PTK2: variants seen among roughly 807,000 people sequenced by gnomAD.
PTK2 encodes the protein protein tyrosine kinase 2.
In PTK2, 45 loss-of-function variants were observed where a neutral mutation model predicts 150.1. The ratio of observed to expected loss-of-function variants is 0.30; its 90% CI spans 0.24 to 0.38. The LOEUF is 0.38. Among genes scored for constraint, PTK2 ranks in the 10% least tolerant of loss-of-function variants. The pLI is 1.00. For synonymous variants in PTK2, 432 were observed against 449.2 expected (o/e 0.96, Z 0.48); for missense variants, 919 against 1,307.3 (o/e 0.70, Z 4.58).
chr8:140,791,116 T>C (rs974031202), intron 13 of PTK2, among the ~76,000 whole-genome samples: 1 of 152,234 alleles, frequency 6.6e-6, no homozygotes, highest in African/African-American at 2.4e-5. Context: ...ACACTTGCAA[T>C]GTACTACCTT....
At chr8:140,868,802 G>T (rs2100140869) in intron 4 of PTK2, among the ~76,000 whole-genome samples, 1 of 152,124 alleles carries the variant, frequency 6.6e-6, no homozygotes, top group Admixed American at 6.5e-5. Context: ...AACTGTCTCA[G>T]ATTAGAGAAG....
At chr8:140,755,940 G>T (rs2100065431) in intron 16 of PTK2, among the ~76,000 whole-genome samples, 1 of 152,116 alleles carries the variant, frequency 6.6e-6, no homozygotes, top group Admixed American at 6.5e-5. Flanking sequence ...ATTTATAATA[G>T]AAACTTAAGA....
At chr8:140,760,861 TCTGA>T (rs1282933327) in intron 16 of PTK2, among the ~76,000 whole-genome samples, 3 of 152,230 alleles carry the variant, frequency 2.0e-5, no homozygotes, top group Admixed American at 6.5e-5. Flanking sequence ...ACTGGCTGTT[TCTGA>T]CTCTCATCTG....
intron 1 of PTK2, among the ~76,000 whole-genome samples, chr8:140,978,497 G>A (rs1231809714): frequency 6.6e-6 from 1 of 152,120 alleles, no homozygotes; most frequent in Non-Finnish European, 1.5e-5. Flanking sequence ...GCAGCCAAGA[G>A]ACACATGAAA....
chr8:140,938,099 G>A (rs748127799), intron 1 of PTK2, among the ~76,000 whole-genome samples: 1 of 152,058 alleles, frequency 6.6e-6, no homozygotes, highest in Non-Finnish European at 1.5e-5. Flanking sequence ...GTACAAAATC[G>A]AGAGTATCTT....
intron 26 of PTK2, among the ~76,000 whole-genome samples, chr8:140,687,310 C>T (rs1471238196): frequency 6.6e-6 from 1 of 152,178 alleles, no homozygotes; most frequent in East Asian, 1.9e-4. Context: ...GGGCCTTCTA[C>T]CACAGTGGCT....
chr8:140,851,939 G>A (rs2100129541), intron 5 of PTK2, among the ~76,000 whole-genome samples: 1 of 151,906 alleles, frequency 6.6e-6, no homozygotes, highest in African/African-American at 2.4e-5. Context: ...GAGTGTGTGT[G>A]TGCCCGTGTG....
At chr8:140,659,151 G>A (rs980886613) in exon 32 of PTK2, 2 of 342,572 alleles carry the variant, frequency 5.8e-6, no homozygotes, top group South Asian at 4.7e-5. Flanking sequence ...CCTTTAGAAC[G>A]TATCTTAATG....
chr8:140,902,924 GTTTTTTTTTTTTTTTTTTTTT>G (rs61261890), intron 2 of PTK2, among the ~76,000 whole-genome samples: 3 of 58,964 alleles, frequency 5.1e-5, no homozygotes, highest in East Asian at 3.9e-4. Context: ...GATGAGAGTT[GTTTTTTTTTTTTTTTTTTTTT>G]TTTTTTTTTT....
intron 1 of PTK2, among the ~76,000 whole-genome samples, chr8:140,943,336 C>T (rs188355134): frequency 6.6e-6 from 1 of 152,342 alleles, no homozygotes. Flanking sequence ...AATGAAATCA[C>T]AGTTATATGG....
At chr8:140,689,041 C>T (rs2100021601) in intron 26 of PTK2, among the ~76,000 whole-genome samples, 1 of 152,042 alleles carries the variant, frequency 6.6e-6, no homozygotes, top group Admixed American at 6.6e-5. Flanking sequence ...GTAGGTAGTT[C>T]CTGACTTCTA....
Position 140,789,470 on chromosome 8 carries a change from T to C in PTK2, c.1177+4A>G, listed in dbSNP as rs780549626. The C allele has an allele frequency of 6.2e-7, 1 of 1,613,162 alleles. No individual in the cohort carries two copies. Among genetic ancestry groups the C allele is most frequent in the Non-Finnish European group, 8.5e-7 (1 of 1,179,606 alleles). ...TTCGAGGTCTGCTACCTAGAGCCCCTTACCTGACACAGAGACGGCGTGTGT... is the reference window on the plus strand; with the variant it reads ...TTCGAGGTCTGCTACCTAGAGCCCCCTACCTGACACAGAGACGGCGTGTGT... On this transcript the variant is annotated splice_donor_region_variant and intron_variant, in intron 14 of 31. Coordinates refer to ENST00000522684, the Ensembl canonical transcript of PTK2.
chr8:140,903,739 C>T (rs983462623), intron 2 of PTK2, among the ~76,000 whole-genome samples: 4 of 151,978 alleles, frequency 2.6e-5, no homozygotes, highest in Non-Finnish European at 4.4e-5. Context: ...AGATGTATTC[C>T]TAGGTATTTT....
intron 1 of PTK2, among the ~76,000 whole-genome samples, chr8:140,955,990 C>T (rs1251511674): frequency 1.3e-5 from 2 of 152,162 alleles, no homozygotes; most frequent in Non-Finnish European, 2.9e-5. Context: ...CAGAAGTCAC[C>T]CTGCCCAACT....
At chr8:140,703,576 A>T (rs996378178) in intron 24 of PTK2, among the ~76,000 whole-genome samples, 2 of 150,736 alleles carry the variant, frequency 1.3e-5, no homozygotes, top group Non-Finnish European at 3.0e-5. Context: ...TTTCCTGCCC[A>T]ACAACCACTA....
rs558510112 is a variant in PTK2, at chr8:140,873,784, C to G, written c.362+5687G>C. On this transcript the variant is annotated intron_variant, in intron 4 of 31. Coordinates refer to ENST00000522684, the Ensembl canonical transcript of PTK2. Reference sequence around the variant, plus strand: ...CCCAGTCAGCAATTTTTATATTGATCAGAACTCTTACCACCACCCTTTGTT... The same window carrying G: ...CCCAGTCAGCAATTTTTATATTGATGAGAACTCTTACCACCACCCTTTGTT... Among the ~76,000 whole-genome samples the G allele has an allele frequency of 5.3e-5, 8 of 152,230 alleles. No homozygotes were observed. In the East Asian group the frequency reaches 7.7e-4, roughly 15 times the overall value.
At chr8:140,857,065 C>A (rs1303814600) in intron 5 of PTK2, among the ~76,000 whole-genome samples, 3 of 152,152 alleles carry the variant, frequency 2.0e-5, no homozygotes, top group Non-Finnish European at 4.4e-5. Flanking sequence ...TTTTGAGGCA[C>A]AGAGAAATAA....
At chr8:140,934,891 G>A (rs74508168) in intron 1 of PTK2, among the ~76,000 whole-genome samples, 2,967 of 151,748 alleles carry the variant, frequency 0.02, 101 homozygotes, top group African/African-American at 0.067. Flanking sequence ...GTAGGGAAAA[G>A]AAAGAGATAT....
chr8:140,920,299 T>C (rs1217818841), intron 2 of PTK2, among the ~76,000 whole-genome samples: 2 of 152,140 alleles, frequency 1.3e-5, no homozygotes, highest in African/African-American at 4.8e-5. Context: ...TACATTTTTA[T>C]GTGAACAAAA....
Sources: allele counts gnomAD v4.1 joint callset (sites outside exome capture counted in the v4.1 genomes callset), GRCh38; gene constraint gnomAD v4.1.1; transcripts MANE v1.5; gene names NCBI Gene and HGNC (gene_info 2026-07-23, HGNC 2026-07-21).